PTPRG: variants seen among roughly 807,000 people sequenced by gnomAD.
PTPRG encodes receptor-type tyrosine-protein phosphatase gamma.
Under a neutral mutation model 165.3 loss-of-function variants are expected in PTPRG, and 102 were observed. The observed-to-expected ratio is 0.62, with a 90% confidence interval of 0.53 to 0.73. PTPRG has a LOEUF of 0.73. Among genes scored for constraint, PTPRG ranks in the 30% least tolerant of loss-of-function variants. The pLI, the probability that PTPRG is intolerant of heterozygous loss-of-function variation, is 0.00. For missense variants in PTPRG, 1,866 were observed against 1,861.4 expected, an observed-to-expected ratio of 1.00 and a Z score of -0.05; for synonymous variants, 675 against 669.5, an observed-to-expected ratio of 1.01 and a Z score of -0.13.
intron 4 of PTPRG, among the ~76,000 whole-genome samples, chr3:62,050,563 C>A (rs189939933): frequency 2.0e-5 from 3 of 152,238 alleles, no homozygotes; most frequent in East Asian, 3.9e-4. Flanking sequence ...GCCGAGTGGC[C>A]ATGTTTTTTA....
intron 1 of PTPRG, among the ~76,000 whole-genome samples, chr3:61,562,886 G>A (rs867073045): frequency 6.6e-6 from 1 of 152,130 alleles, no homozygotes; most frequent in African/African-American, 2.4e-5. Context: ...GAAGTCGGAG[G>A]CTGGCTGCGG....
intron 15 of PTPRG, among the ~76,000 whole-genome samples, chr3:62,244,920 G>C (rs1276046576): frequency 1.3e-5 from 2 of 152,122 alleles, no homozygotes; most frequent in African/African-American, 2.4e-5. Flanking sequence ...GTCATTCTTT[G>C]GGTACCATGG....
intron 2 of PTPRG, among the ~76,000 whole-genome samples, chr3:61,961,602 G>A (rs1281500965): frequency 6.6e-6 from 1 of 152,128 alleles, no homozygotes; most frequent in Admixed American, 6.6e-5. Context: ...GATCTTCAGA[G>A]TATTTTAAAA....
intron 7 of PTPRG, among the ~76,000 whole-genome samples, chr3:62,160,284 T>C (rs1704699327): frequency 6.6e-6 from 1 of 152,240 alleles, no homozygotes; most frequent in Non-Finnish European, 1.5e-5. Flanking sequence ...CTTTCTTCTC[T>C]TGTTCCCTTT....
chr3:61,621,077 G>GTGTGTGTGTGTGTGTGTGTGTA (rs1553641517), intron 1 of PTPRG, among the ~76,000 whole-genome samples: 1 of 144,914 alleles, frequency 6.9e-6, no homozygotes, highest in Admixed American at 7.1e-5. Flanking sequence ...GTGTGTGTGT[G>GTGTGTGTGTGTGTGTGTGTGTA]TATATTTATT....
intron 1 of PTPRG, among the ~76,000 whole-genome samples, chr3:61,566,616 T>C (rs762726041): frequency 6.6e-6 from 1 of 152,192 alleles, no homozygotes; most frequent in Admixed American, 6.5e-5. Flanking sequence ...CAAGCGATTC[T>C]CCTGCCTCAG....
chr3:62,040,841 T>C (rs971700668), intron 4 of PTPRG, among the ~76,000 whole-genome samples: 2 of 152,236 alleles, frequency 1.3e-5, no homozygotes, highest in African/African-American at 4.8e-5. Flanking sequence ...CTTTGATTTC[T>C]ATTTTGAGCC....
intron 28 of PTPRG, among the ~76,000 whole-genome samples, chr3:62,285,637 C>T (rs899345442): frequency 9.9e-5 from 15 of 152,054 alleles, no homozygotes; most frequent in Admixed American, 8.5e-4. Flanking sequence ...ACAGGCACAG[C>T]TTAAAGACAA....
intron 2 of PTPRG, among the ~76,000 whole-genome samples, chr3:61,926,921 GAAA>G (rs1044513505): frequency 6.7e-6 from 1 of 149,784 alleles, no homozygotes; most frequent in East Asian, 2.0e-4. Context: ...TCGGGGGGAA[GAAA>G]AAAAAAATCT....
intron 28 of PTPRG, among the ~76,000 whole-genome samples, chr3:62,283,828 G>C (rs1702539122): frequency 6.6e-6 from 1 of 152,050 alleles, no homozygotes; most frequent in Admixed American, 6.6e-5. Context: ...ATGTGTACTA[G>C]CTGCTTCCAA....
At chr3:61,832,141 T>C (rs2036314079) in intron 2 of PTPRG, among the ~76,000 whole-genome samples, 1 of 152,226 alleles carries the variant, frequency 6.6e-6, no homozygotes. Flanking sequence ...GTGCTTTGCA[T>C]GCACAATTCC....
At chr3:61,876,042 A>G (rs1233070656) in intron 2 of PTPRG, among the ~76,000 whole-genome samples, 1 of 152,238 alleles carries the variant, frequency 6.6e-6, no homozygotes, top group East Asian at 1.9e-4. Flanking sequence ...AAAGCCTTCA[A>G]GATTTGAGCA....
chr3:62,277,868 T>C (rs1702285440), intron 26 of PTPRG, among the ~76,000 whole-genome samples, 189 bp downstream of exon 26: 1 of 152,234 alleles, frequency 6.6e-6, no homozygotes, highest in East Asian at 1.9e-4. Context: ...ATCAGTTCCA[T>C]TACTTGAGTC....
chr3:61,854,467 C>A (rs1193579968), intron 2 of PTPRG, among the ~76,000 whole-genome samples: 2 of 152,184 alleles, frequency 1.3e-5, no homozygotes, highest in South Asian at 4.1e-4. Flanking sequence ...CTCCTTCCTG[C>A]AACTATGTAC....
At chr3:62,126,858 T>A (rs775098403) in intron 5 of PTPRG, among the ~76,000 whole-genome samples, 1 of 152,218 alleles carries the variant, frequency 6.6e-6, no homozygotes, top group Non-Finnish European at 1.5e-5. Flanking sequence ...CATGGCAGTT[T>A]GGGATGCCAC....
intron 1 of PTPRG, among the ~76,000 whole-genome samples, chr3:61,698,308 A>G (rs555302714): frequency 1.7e-4 from 26 of 152,158 alleles, no homozygotes; most frequent in South Asian, 4.1e-4. Context: ...TTTTTCTGGA[A>G]AGGGCCACAT....
At chr3:61,639,579 A>AT (rs35373510) in intron 1 of PTPRG, among the ~76,000 whole-genome samples, 37,371 of 151,668 alleles carry the variant, frequency 0.25, 4,764 homozygotes, top group African/African-American at 0.31. Context: ...GTCATTTGTG[A>AT]TTTTTTTCAG....
At chr3:62,050,174 G>A (rs186991774) in intron 4 of PTPRG, among the ~76,000 whole-genome samples, 18 of 152,288 alleles carry the variant, frequency 1.2e-4, no homozygotes, top group African/African-American at 4.3e-4. Flanking sequence ...GAGAATAATA[G>A]AAATACAGTT....
intron 1 of PTPRG, among the ~76,000 whole-genome samples, chr3:61,631,876 C>G (rs1701782481): frequency 1.3e-5 from 2 of 152,076 alleles, no homozygotes; most frequent in Admixed American, 6.5e-5. Context: ...AATTCATAAT[C>G]CAGTGACAAA....
Sources: allele counts gnomAD v4.1 joint callset (sites outside exome capture counted in the v4.1 genomes callset), GRCh38; gene constraint gnomAD v4.1.1; transcripts MANE v1.5; gene names NCBI Gene and HGNC (gene_info 2026-07-23, HGNC 2026-07-21).